BRD9: variants seen among roughly 807,000 people sequenced by gnomAD.
BRD9 encodes the protein bromodomain-containing protein 9.
Under a neutral mutation model 68.7 loss-of-function variants are expected in BRD9, and 47 were observed. The observed-to-expected ratio is 0.68, with a 90% CI of 0.54 to 0.87. The LOEUF (loss-of-function observed/expected upper bound fraction) is 0.87. Among genes scored for constraint, BRD9 ranks in the 40% least tolerant of loss-of-function variants. BRD9 has a pLI of 0.00. For synonymous variants in BRD9, 313 were observed against 293.9 expected (o/e 1.06, Z -0.67); for missense variants, 670 against 748.4 (o/e 0.90, Z 1.22).
chr5:892,226 G>C (rs565451691), intron 1 of BRD9: 1 of 441,016 alleles, frequency 2.3e-6, no homozygotes, highest in South Asian at 2.8e-5. Flanking sequence ...GCAGGCGCCC[G>C]TGCTGCCCGC....
At position 889,004 on chromosome 5, in the gene BRD9, C is replaced by G. The variant is rs780448273; in HGVS notation, c.606+17G>C. On this transcript the variant is annotated intron_variant, in intron 5 of 15. Coordinates refer to ENST00000467963, the MANE Select transcript of BRD9 (RefSeq NM_023924.5). ...AGAACTATGCCACGATTACTTCGGGCAATGAAAGTAACTTACCTTAAATTC... is the reference window on the plus strand; with the variant it reads ...AGAACTATGCCACGATTACTTCGGGGAATGAAAGTAACTTACCTTAAATTC... The G allele has an allele frequency of 6.2e-7, 1 of 1,602,082 alleles. No individual in the cohort carries two copies. The highest frequency in any genetic ancestry group is 8.5e-7 in the Non-Finnish European group (1 of 1,175,016).
At chr5:881,343 C>T in intron 8 of BRD9, 161 bp from the exon 9 acceptor site, 3 of 691,406 alleles carry the variant, frequency 4.3e-6, no homozygotes, top group South Asian at 1.8e-5. Context: ...TTCAGACTCA[C>T]CGGCAACAGC....
intron 7 of BRD9, among the ~76,000 whole-genome samples, chr5:885,241 G>A (rs560574866): frequency 6.6e-6 from 1 of 152,248 alleles, no homozygotes; most frequent in Non-Finnish European, 1.5e-5. Context: ...GAAATGCAAC[G>A]CACGTGGGGA....
chr5:871,335 T>G (rs908424065), intron 13 of BRD9, among the ~76,000 whole-genome samples, 191 bp downstream of exon 13: 5 of 152,188 alleles, frequency 3.3e-5, no homozygotes, highest in Non-Finnish European at 5.9e-5. Flanking sequence ...TTTGGAAGAA[T>G]GTACTGCGGC....
At chr5:878,633 C>T (rs1751361315) in intron 10 of BRD9, 146 bp from the exon 11 acceptor site, 1 of 1,112,150 alleles carries the variant, frequency 9.0e-7, no homozygotes, top group East Asian at 2.6e-5. Context: ...AAAATTCTCA[C>T]TCCTGAGTTT....
chr5:886,127 A>G (rs1392030527), intron 7 of BRD9, among the ~76,000 whole-genome samples: 2 of 151,738 alleles, frequency 1.3e-5, no homozygotes, highest in African/African-American at 2.4e-5. Context: ...CACCTGCTCC[A>G]CTCCAGCGTC....
intron 12 of BRD9, among the ~76,000 whole-genome samples, chr5:873,354 C>T (rs184317475): frequency 2.6e-5 from 4 of 152,262 alleles, no homozygotes; most frequent in Non-Finnish European, 4.4e-5. Flanking sequence ...TTCTTCCTGA[C>T]GGGCCTGGAG....
At chr5:881,604 C>G (rs569069746) in intron 8 of BRD9, 72 of 244,610 alleles carry the variant, frequency 2.9e-4, no homozygotes, top group Non-Finnish European at 5.2e-4. Context: ...TACAGGCCAT[C>G]AGGAGGATCC....
chr5:891,609 A>G (rs1376608365), intron 2 of BRD9, 31 bp downstream of exon 2: 13 of 1,546,338 alleles, frequency 8.4e-6, no homozygotes, highest in Admixed American at 2.0e-5. Context: ...CCTCGTGGGC[A>G]GCGTCCGGGC....
chr5:880,466 G>T (rs1196951418), intron 9 of BRD9, among the ~76,000 whole-genome samples: 2 of 151,820 alleles, frequency 1.3e-5, no homozygotes, highest in African/African-American at 4.9e-5. Flanking sequence ...ACGCTGGCAT[G>T]GTGGAGCTGG....
At chr5:888,967 A>C in intron 5 of BRD9, 54 bp downstream of exon 5, 2 of 1,548,416 alleles carry the variant, frequency 1.3e-6, no homozygotes, top group Non-Finnish European at 1.7e-6. Context: ...TCTTCACAAG[A>C]CATGAATACA....
At chr5:892,038 T>C (rs1580030494) in intron 1 of BRD9, 184 bp from the exon 2 acceptor site, 1 of 977,586 alleles carries the variant, frequency 1.0e-6, no homozygotes, top group Non-Finnish European at 1.5e-6. Context: ...TGTTCTCCCT[T>C]CCCCTCCGCA....
At position 872,160 on chromosome 5, in the gene BRD9, G is replaced by A. The variant is rs150039338; in HGVS notation, c.1384-596C>T. 5.8e-3 allele frequency among the ~76,000 whole-genome samples: 889 copies of A among 152,374 alleles called. 11 individuals are homozygous for A. Among genetic ancestry groups the A allele is most frequent in the African/African-American group, 0.02 (829 of 41,588 alleles). On this transcript the variant is annotated intron_variant, in intron 12 of 15. Coordinates refer to ENST00000467963, the MANE Select transcript of BRD9 (RefSeq NM_023924.5). ...AACTGTCGGCCTCCGTGGCACACCC[G>A]TCCTGTGCTCCGGTGGAGCGATGCT...
At position 889,485 on chromosome 5, in the gene BRD9, G is replaced by T. The variant is rs932819561; in HGVS notation, c.461+102C>A. ...GGGAGTCACCAAGAGAAGGTGCAGG[G>T]TCTGTTTCACAGCTGACGAGGCTGG... On this transcript the variant is annotated intron_variant, in intron 4 of 15. Transcript: ENST00000467963. 5.4e-6 allele frequency: 7 copies of T among 1,290,670 alleles called. No individual in the cohort carries two copies. The African/African-American group carries it at 9.1e-5, about 17-fold the overall frequency. 80.0% of individuals were successfully genotyped at this position (1,290,670 alleles called of 1,614,324 possible). A position where few individuals can be genotyped will look rare whatever the true frequency, so the allele number is the denominator to read the frequency against.
At chr5:872,993 C>T (rs1224218524) in intron 12 of BRD9, among the ~76,000 whole-genome samples, 2 of 152,038 alleles carry the variant, frequency 1.3e-5, no homozygotes, top group Non-Finnish European at 2.9e-5. Flanking sequence ...GGCGAAACTC[C>T]GCCTCTACTA....
At chr5:885,446 G>C (rs866964060) in intron 7 of BRD9, among the ~76,000 whole-genome samples, 3 of 152,308 alleles carry the variant, frequency 2.0e-5, no homozygotes, top group South Asian at 4.1e-4. Flanking sequence ...TTAAATCCAC[G>C]TGAGTCCCAT....
rs574799395 is a variant in BRD9 at position 877,050 on chromosome 5, G to A, written c.1272-838C>T. Among the ~76,000 whole-genome samples the A allele has an allele frequency of 1.2e-4, 18 of 152,372 alleles. No individual in the cohort carries two copies. The South Asian group carries it at 1.2e-3, about 11-fold the overall frequency. On this transcript the variant is annotated intron_variant, in intron 11 of 15. Coordinates refer to ENST00000467963, the MANE Select transcript of BRD9 (RefSeq NM_023924.5). ...TGCCCCTGCAGCCACAAGGCAGGCGGGGTCAGAATGATCTTTCTTCACGGC... is the reference window on the plus strand; with the variant it reads ...TGCCCCTGCAGCCACAAGGCAGGCGAGGTCAGAATGATCTTTCTTCACGGC...
intron 14 of BRD9, chr5:866,206 C>T (rs1297072579): frequency 2.0e-5 from 3 of 152,286 alleles, no homozygotes; most frequent in Non-Finnish European, 4.4e-5. Flanking sequence ...GGGAAGGTCC[C>T]ACAGAGTCTA....
chr5:875,173 T>A (rs1208498858), intron 12 of BRD9, among the ~76,000 whole-genome samples: 1 of 152,244 alleles, frequency 6.6e-6, no homozygotes, highest in East Asian at 1.9e-4. Context: ...GCCGAGGCTC[T>A]GTGAGCCACA....
Sources: allele counts gnomAD v4.1 joint callset (sites outside exome capture counted in the v4.1 genomes callset), GRCh38; gene constraint gnomAD v4.1.1; transcripts MANE v1.5; gene names NCBI Gene and HGNC (gene_info 2026-07-23, HGNC 2026-07-21).